PTPRB: variants seen among roughly 807,000 people sequenced by gnomAD.
PTPRB encodes receptor-type tyrosine-protein phosphatase beta.
In PTPRB, 97 loss-of-function variants were observed where a neutral mutation model predicts 238.1. That is an observed-to-expected ratio of 0.41 (90% CI 0.35 to 0.48). The LOEUF is 0.48. Ranked by LOEUF, PTPRB falls within the 20% of genes least tolerant of loss-of-function variation. The probability of loss-of-function intolerance (pLI) is 0.30; values close to 1 mark genes in which losing one functional copy is unlikely to be tolerated. For synonymous variants in PTPRB, 970 were observed against 995.4 expected (o/e 0.97, Z 0.48); for missense variants, 2,292 against 2,681.9 (o/e 0.85, Z 3.21).
chr12:70,612,687 A>G (rs1040357236), intron 3 of PTPRB, among the ~76,000 whole-genome samples: 1 of 151,916 alleles, frequency 6.6e-6, no homozygotes, highest in Admixed American at 6.6e-5. Flanking sequence ...AAGTCATAGC[A>G]ATTTAAAAAC....
At chr12:70,606,276 G>T (rs773847101) in intron 4 of PTPRB, among the ~76,000 whole-genome samples, 2 of 152,198 alleles carry the variant, frequency 1.3e-5, no homozygotes, top group Non-Finnish European at 2.9e-5. Flanking sequence ...TTTGATACAT[G>T]TGCACTGAAC....
At chr12:70,594,373 T>C in intron 6 of PTPRB, 94 bp downstream of exon 6, 1 of 1,465,122 alleles carries the variant, frequency 6.8e-7, no homozygotes. Context: ...TTTCAATTTG[T>C]CCTATATTAC....
chr12:70,594,090 G>A (rs1592555981), intron 6 of PTPRB, among the ~76,000 whole-genome samples: 1 of 152,206 alleles, frequency 6.6e-6, no homozygotes, highest in African/African-American at 2.4e-5. Flanking sequence ...CTGTCACACA[G>A]GAGTAGGGTA....
intron 2 of PTPRB, among the ~76,000 whole-genome samples, chr12:70,631,523 A>G (rs1015254126): frequency 9.2e-5 from 14 of 152,196 alleles, no homozygotes; most frequent in African/African-American, 3.4e-4. Flanking sequence ...GCATGGGCAA[A>G]CACCTCATGA....
At chr12:70,555,748 C>T in intron 19 of PTPRB, 122 bp downstream of exon 19, 1 of 1,271,898 alleles carries the variant, frequency 7.9e-7, no homozygotes, top group East Asian at 2.5e-5. Context: ...GGCAATCAGA[C>T]AGGCTTATGC....
At chr12:70,570,173 C>T (rs1298221107) in intron 13 of PTPRB, among the ~76,000 whole-genome samples, 1 of 152,186 alleles carries the variant, frequency 6.6e-6, no homozygotes, top group East Asian at 1.9e-4. Context: ...AATTATATAG[C>T]GAGGGGCTAG....
chr12:70,529,954 A>T (rs1163770486), intron 32 of PTPRB, among the ~76,000 whole-genome samples: 1 of 109,446 alleles, frequency 9.1e-6, no homozygotes, highest in East Asian at 1.9e-4. Flanking sequence ...TGGGGAGTAG[A>T]GGAAAAATCC....
intron 9 of PTPRB, among the ~76,000 whole-genome samples, chr12:70,583,209 G>T (rs1040106035): frequency 4.6e-5 from 7 of 152,052 alleles, no homozygotes; most frequent in Non-Finnish European, 7.4e-5. Context: ...GGGTGGTGGG[G>T]ATGATAAAAA....
chr12:70,622,630 T>G lies in PTPRB; in HGVS notation c.468A>C (p.Glu156Asp), dbSNP rs139633326. ...TGTTTCTAGTGCTCCTCACCGAAAC[T>G]TCTGCTCCCAGGCCAGCTGAGGTAA... Reference protein sequence around the residue: ...LCLQKAGLGAEVSVRSTRNTA... With the variant: ...LCLQKAGLGADVSVRSTRNTA... Residue 156 changes from glutamate (E) to aspartate (D), a missense_variant, in exon 3 of 34, where the codon GAA becomes GAC. Glu to Asp is a conservative substitution (Grantham distance 45). Transcript: ENST00000334414. 2 of 1,571,934 alleles carry G rather than the reference T, an allele frequency of 1.3e-6. No individual in the cohort carries two copies. Among genetic ancestry groups the G allele is most frequent in the African/African-American group, 2.7e-5 (2 of 74,098 alleles).
intron 2 of PTPRB, among the ~76,000 whole-genome samples, chr12:70,626,354 TC>T (rs1885193557): frequency 7.2e-6 from 1 of 139,066 alleles, no homozygotes; most frequent in Non-Finnish European, 1.5e-5. Context: ...TATCTATCTA[TC>T]TATCTATCTA....
At chr12:70,623,844 C>T (rs1483697551) in intron 2 of PTPRB, among the ~76,000 whole-genome samples, 1 of 152,124 alleles carries the variant, frequency 6.6e-6, no homozygotes, top group South Asian at 2.1e-4. Flanking sequence ...ATCTGTTCTG[C>T]CTTACTTAGC....
At chr12:70,606,619 T>G (rs1216537911) in intron 4 of PTPRB, among the ~76,000 whole-genome samples, 4 of 152,244 alleles carry the variant, frequency 2.6e-5, no homozygotes, top group Non-Finnish European at 5.9e-5. Context: ...GAAGTTTGTC[T>G]GAGTTTGAAT....
chr12:70,587,888 G>A (rs1190236141), intron 8 of PTPRB, among the ~76,000 whole-genome samples: 1 of 151,876 alleles, frequency 6.6e-6, no homozygotes, highest in African/African-American at 2.4e-5. Flanking sequence ...ATCACTTGAG[G>A]TCAGGAGTTT....
intron 11 of PTPRB, among the ~76,000 whole-genome samples, chr12:70,575,375 C>A (rs1287750126): frequency 6.6e-6 from 1 of 152,162 alleles, no homozygotes; most frequent in African/African-American, 2.4e-5. Flanking sequence ...CCATAAGAAT[C>A]TGATAAAAGC....
chr12:70,563,808 C>T (rs1031433294), intron 15 of PTPRB, among the ~76,000 whole-genome samples: 1 of 152,264 alleles, frequency 6.6e-6, no homozygotes, highest in Non-Finnish European at 1.5e-5. Flanking sequence ...ACCAGACATC[C>T]CAGGTGAAAA....
rs1874440394 is a variant in PTPRB, at chr12:70,538,025, A to G, written c.5946+130T>C. On this transcript the variant is annotated intron_variant, in intron 28 of 33. Transcript: ENST00000334414. Reference sequence around the variant, plus strand: ...ATACCCCATTTTTTTTATGGCATTCAGATGTGCTCTTCTGAAATCTACAGG... The same window carrying G: ...ATACCCCATTTTTTTTATGGCATTCGGATGTGCTCTTCTGAAATCTACAGG... 27 of 690,890 alleles carry G rather than the reference A, an allele frequency of 3.9e-5. No individual in the cohort carries two copies. The South Asian group carries it at 6.1e-4, about 16-fold the overall frequency. 42.8% of individuals were successfully genotyped at this position (690,890 alleles called of 1,614,324 possible). A position where few individuals can be genotyped will look rare whatever the true frequency, so the allele number is the denominator to read the frequency against.
chr12:70,552,630 G>T, intron 21 of PTPRB, 147 bp downstream of exon 21: 2 of 1,060,962 alleles, frequency 1.9e-6, no homozygotes, highest in Non-Finnish European at 2.7e-6. Flanking sequence ...GGAATCCAAC[G>T]TTTATAAATT....
At chr12:70,625,147 G>A (rs940752570) in intron 2 of PTPRB, among the ~76,000 whole-genome samples, 8 of 152,046 alleles carry the variant, frequency 5.3e-5, no homozygotes, top group African/African-American at 1.9e-4. Flanking sequence ...GAATATTCAG[G>A]TCCAGTACCC....
chr12:70,557,386 GAAAAC>G (rs894155324), intron 18 of PTPRB, among the ~76,000 whole-genome samples: 3 of 152,244 alleles, frequency 2.0e-5, no homozygotes, highest in Admixed American at 1.3e-4. Context: ...AAGCCTCGAA[GAAAAC>G]AAAACAAAAC....
Sources: allele counts gnomAD v4.1 joint callset (sites outside exome capture counted in the v4.1 genomes callset), GRCh38; gene constraint gnomAD v4.1.1; transcripts MANE v1.5; gene names NCBI Gene and HGNC (gene_info 2026-07-23, HGNC 2026-07-21).